The following ZNF225 variants were observed in gnomAD, a reference collection of about 807,000 sequenced individuals.
The protein encoded by ZNF225 is zinc finger protein 225.
In ZNF225, 6 loss-of-function variants were observed where a neutral mutation model predicts 12.0. That is an observed-to-expected ratio of 0.50 (90% CI 0.27 to 0.98). The LOEUF (loss-of-function observed/expected upper bound fraction) is 0.98, where lower values mean the gene tolerates loss of function less well. Among genes scored for constraint, ZNF225 ranks in the 50% least tolerant of loss-of-function variants. The pLI, the probability that ZNF225 is intolerant of heterozygous loss-of-function variation, is 0.11. For missense variants in ZNF225, 763 were observed against 848.2 expected, an observed-to-expected ratio of 0.90 and a Z score of 1.25; for synonymous variants, 271 against 283.2, an observed-to-expected ratio of 0.96 and a Z score of 0.43.
In ZNF225 at chr19:44,126,803, A is replaced by G. The variant is rs143746274; in HGVS notation, c.236-4047A>G. Among the ~76,000 whole-genome samples the G allele has an allele frequency of 8.6e-3, 1,315 of 152,184 alleles. 14 individuals are homozygous for G. Among genetic ancestry groups the G allele is most frequent in the African/African-American group, 0.028 (1,153 of 41,500 alleles). On this transcript the variant is annotated intron_variant, in intron 4 of 4. Coordinates refer to ENST00000262894, the MANE Select transcript of ZNF225 (RefSeq NM_013362.4). ...ATGGCTGCCTCTGCTGAGTCATGCA[A>G]ATTGTCTGGGAAGTAGGGGAAAGCT...
chr19:44,115,119 A>G (rs899389994), intron 1 of ZNF225, among the ~76,000 whole-genome samples: 1 of 152,168 alleles, frequency 6.6e-6, no homozygotes, highest in African/African-American at 2.4e-5. Flanking sequence ...TAAATATTCT[A>G]TCAGTGTAGA....
intron 1 of ZNF225, 90 bp from the exon 2 acceptor site, chr19:44,115,670 T>C: frequency 1.6e-6 from 1 of 609,634 alleles, no homozygotes; most frequent in Non-Finnish European, 2.8e-6. Context: ...AACATTCATG[T>C]GTTAATTTAC....
intron 2 of ZNF225, among the ~76,000 whole-genome samples, chr19:44,116,853 G>A (rs1476862243): frequency 1.3e-5 from 2 of 151,764 alleles, no homozygotes; most frequent in African/African-American, 2.4e-5. Flanking sequence ...ATTAGGGTTT[G>A]GTAAAAAATT....
rs1322872333 is a variant in ZNF225, at chr19:44,131,354, T to G, written c.740T>G (p.Leu247Arg). ...CGKGFSRRSG[L>R]YVHRKLHTGV... is the part of the protein sequence containing the mutation. The stretch of plus-strand genomic sequence containing the variant: ...AAAGGCTTTAGTCGTAGATCAGGAC[T>G]TTATGTTCATCGTAAATTACACACA... Residue 247 changes from leucine (L) to arginine (R), a missense_variant, in exon 5 of 5, where the codon CTT becomes CGT. Physicochemically the swap from Leu to Arg is moderately radical, Grantham distance 102. Transcript: ENST00000262894. 3 of 1,614,186 alleles carry G rather than the reference T, an allele frequency of 1.9e-6. No individual in the cohort carries two copies. The highest frequency in any genetic ancestry group is 3.3e-5 in the Admixed American group (2 of 60,028).
At chr19:44,128,956 C>G in intron 4 of ZNF225, 2 of 770,222 alleles carry the variant, frequency 2.6e-6, no homozygotes, top group Non-Finnish European at 3.5e-6. Flanking sequence ...CAGGGCATGA[C>G]CCCTTAGGCG....
In ZNF225 at chr19:44,133,758, A is replaced by G; in HGVS notation, c.*1023A>G. ...TACATTAGGTTAAAAGGCTTTCTTC[A>G]GCAAAATCTATCTCTAGAGATAGAT... On this transcript the variant is annotated 3_prime_UTR_variant, in exon 5 of 5. Coordinates refer to ENST00000262894, the MANE Select transcript of ZNF225 (RefSeq NM_013362.4). The G allele has an allele frequency of 6.6e-6, 1 of 151,662 alleles. No individual in the cohort carries two copies. Among genetic ancestry groups the G allele is most frequent in the South Asian group, 2.1e-4 (1 of 4,824 alleles). 9.4% of individuals were successfully genotyped at this position (151,662 alleles called of 1,614,324 possible). A position where few individuals can be genotyped will look rare whatever the true frequency, so the allele number is the denominator to read the frequency against.
At chr19:44,115,253 T>C (rs1347184086) in intron 1 of ZNF225, among the ~76,000 whole-genome samples, 2 of 152,212 alleles carry the variant, frequency 1.3e-5, no homozygotes, top group East Asian at 1.9e-4. Context: ...TACACTTTAA[T>C]GATTTTTAGG....
intron 1 of ZNF225, 153 bp from the exon 2 acceptor site, chr19:44,115,607 G>A (rs1967927415): frequency 4.3e-6 from 2 of 468,804 alleles, no homozygotes; most frequent in East Asian, 6.8e-5. Flanking sequence ...TGTACGCATA[G>A]GAGGGAGTTT....
chr19:44,115,707 A>C (rs775707706), intron 1 of ZNF225, 53 bp from the exon 2 acceptor site: 40 of 901,534 alleles, frequency 4.4e-5, no homozygotes, highest in Non-Finnish European at 6.2e-5. Context: ...GGTGGATGGC[A>C]TCCCTGGCCA....
At chr19:44,115,727 GTC>G in intron 1 of ZNF225, 31 bp from the exon 2 acceptor site, 1 of 1,201,168 alleles carries the variant, frequency 8.3e-7, no homozygotes, top group South Asian at 1.5e-5. Flanking sequence ...ACACTTTCAT[GTC>G]TCTTTTTCTG....
chr19:44,133,840 CCAGA>C lies in ZNF225; in HGVS notation c.*1106_*1109del, dbSNP rs1475228056. On this transcript the variant is annotated 3_prime_UTR_variant, in exon 5 of 5. Coordinates refer to ENST00000262894, the MANE Select transcript of ZNF225 (RefSeq NM_013362.4). Reference sequence around the variant, plus strand: ...GATTTGATTTTTATAATCAAATCTACCAGAGATAGATTTGATTTTTATAATCAAA... The same window carrying C: ...GATTTGATTTTTATAATCAAATCTACGATAGATTTGATTTTTATAATCAAA... The C allele has an allele frequency of 2.4e-5, 3 of 123,814 alleles. No individual in the cohort carries two copies. The highest frequency in any genetic ancestry group is 5.0e-5 in the Non-Finnish European group (3 of 60,270). The allele number at this position is 123,814 out of a possible 1,614,324, so 7.7% of individuals were successfully genotyped here.
At chr19:44,123,052 C>T (rs796918315) in intron 4 of ZNF225, among the ~76,000 whole-genome samples, 2 of 152,110 alleles carry the variant, frequency 1.3e-5, no homozygotes, top group African/African-American at 4.8e-5. Flanking sequence ...GTGGTGAGAG[C>T]AGATGTTCTT....
At chr19:44,115,601 C>G (rs529203219) in intron 1 of ZNF225, 159 bp from the exon 2 acceptor site, 5 of 452,276 alleles carry the variant, frequency 1.1e-5, no homozygotes, top group South Asian at 8.9e-5. Flanking sequence ...TATCCATGTA[C>G]GCATAGGAGG....
intron 4 of ZNF225, 31 bp downstream of exon 4, chr19:44,118,605 C>G (rs368766637): frequency 1.9e-6 from 3 of 1,590,600 alleles, no homozygotes; most frequent in East Asian, 4.5e-5. Context: ...TGTCCTTGTG[C>G]GTGACTCTCC....
chr19:44,115,547 A>C (rs923775948), intron 1 of ZNF225: 1 of 335,092 alleles, frequency 3.0e-6, no homozygotes, highest in Non-Finnish European at 5.4e-6. Flanking sequence ...ATTCCTTTTA[A>C]TTTCCAAATA....
Position 44,134,698 on chromosome 19 carries a change from C to G in ZNF225, c.*1963C>G, listed in dbSNP as rs1223475195. On this transcript the variant is annotated 3_prime_UTR_variant, in exon 5 of 5. Transcript: ENST00000262894. ...GTCTATGTCTGCTCTCTGGTGTGTC[C>G]TGGATCATCAACTTGGTTACAACAT... 6.6e-6 allele frequency: 1 copy of G among 152,130 alleles called. No homozygotes were observed. Among genetic ancestry groups the G allele is most frequent in the East Asian group, 1.9e-4 (1 of 5,196 alleles). The allele number at this position is 152,130 out of a possible 1,614,324, so 9.4% of individuals were successfully genotyped here.
chr19:44,119,686 T>A (rs1380859291), intron 4 of ZNF225, among the ~76,000 whole-genome samples: 1 of 152,250 alleles, frequency 6.6e-6, no homozygotes, highest in African/African-American at 2.4e-5. Flanking sequence ...TAATTGCATC[T>A]GCAATCCCAG....
upstream of ZNF225, chr19:44,113,192 A>G (rs961888619): frequency 1.3e-5 from 2 of 152,582 alleles, no homozygotes; most frequent in Non-Finnish European, 2.9e-5. Flanking sequence ...ATGGTAGTCC[A>G]GACGCTCAGT....
intron 4 of ZNF225, among the ~76,000 whole-genome samples, chr19:44,119,442 A>C (rs1480228004): frequency 6.6e-6 from 1 of 152,174 alleles, no homozygotes; most frequent in Non-Finnish European, 1.5e-5. Flanking sequence ...GATGCTCTTG[A>C]GGAGAAGCCT....
Sources: gnomAD v4.1 joint callset for allele counts (sites outside exome capture counted in the v4.1 genomes callset) on GRCh38, gnomAD v4.1.1 for gene constraint, MANE v1.5 for transcripts, NCBI Gene and HGNC (gene_info 2026-07-23, HGNC 2026-07-21) for gene names.